Variants in NFKBIL1 observed in about 807,000 individuals in gnomAD.
NFKBIL1 encodes NFKB inhibitor like 1.
Under a neutral mutation model 45.4 loss-of-function variants are expected in NFKBIL1, and 30 were observed. That is an observed-to-expected ratio of 0.66 (90% CI 0.49 to 0.90). The LOEUF (loss-of-function observed/expected upper bound fraction) is 0.90, where lower values mean the gene tolerates loss of function less well. Ranked by LOEUF, NFKBIL1 falls within the 40% of genes least tolerant of loss-of-function variation. NFKBIL1 has a pLI of 0.00. For missense variants in NFKBIL1, 434 were observed against 513.4 expected (o/e 0.85, Z 1.49); for synonymous variants, 179 against 197.3 (o/e 0.91, Z 0.78).
chr6:31,555,910 C>G (rs569158355), intron 2 of NFKBIL1, among the ~76,000 whole-genome samples: 1 of 147,832 alleles, frequency 6.8e-6, no homozygotes. Flanking sequence ...CCCCCCCCCC[C>G]AGCCTCCCAA....
intron 2 of NFKBIL1, among the ~76,000 whole-genome samples, chr6:31,555,702 G>A (rs1481572089): frequency 6.6e-4 from 82 of 124,436 alleles, no homozygotes; most frequent in African/African-American, 2.4e-3. Flanking sequence ...TGCAACCTCC[G>A]CCTCCCAGGT....
chr6:31,547,643 A>G lies in NFKBIL1; in HGVS notation c.-52A>G. 2 of 1,367,306 alleles carry G rather than the reference A, an allele frequency of 1.5e-6. No homozygotes were observed. The highest frequency in any genetic ancestry group is 1.2e-5 in the South Asian group (1 of 80,486). 84.7% of individuals were successfully genotyped at this position (1,367,306 alleles called of 1,614,324 possible). The stretch of plus-strand genomic sequence containing the variant: ...TCCCGTCTCCGAGCTTCTTAAACAC[A>G]GGCCTTGGGCCTACGGCTCTGGGGG... On this transcript the variant is annotated 5_prime_UTR_variant, in exon 1 of 4. Coordinates refer to ENST00000376148, the MANE Select transcript of NFKBIL1 (RefSeq NM_005007.4).
At chr6:31,549,972 C>T (rs1769335738) in intron 2 of NFKBIL1, among the ~76,000 whole-genome samples, 1 of 152,112 alleles carries the variant, frequency 6.6e-6, no homozygotes, top group Non-Finnish European at 1.5e-5. Flanking sequence ...GAGGCCAAGG[C>T]AGTCAGATCA....
In NFKBIL1 at chr6:31,557,993, A is replaced by C; in HGVS notation, c.557-29A>C. 1 of 1,522,700 alleles carries C rather than the reference A, an allele frequency of 6.6e-7. No homozygotes were observed. The highest frequency in any genetic ancestry group is 8.9e-7 in the Non-Finnish European group (1 of 1,121,756). The allele number at this position is 1,522,700 out of a possible 1,614,324, so 94.3% of individuals were successfully genotyped here. A position where few individuals can be genotyped will look rare whatever the true frequency, so the allele number is the denominator to read the frequency against. On this transcript the variant is annotated intron_variant, in intron 3 of 3. Transcript: ENST00000376148. This position sits in a 1 kb window ranked among gnomAD's most constrained non-coding sequence, Gnocchi z 5.4. ...CATCACCTTCTCACAGCCTCTCTCC[A>C]ACTACCCCCATCCCACCCTCCCAAA...
rs1430495435 is a variant in NFKBIL1, at chr6:31,551,511, T to C, written c.334+3072T>C. Among the ~76,000 whole-genome samples the C allele has an allele frequency of 2.6e-5, 4 of 152,230 alleles. No individual in the cohort carries two copies. The East Asian group carries it at 7.7e-4, about 29-fold the overall frequency. On this transcript the variant is annotated intron_variant, in intron 2 of 3. Coordinates refer to ENST00000376148, the MANE Select transcript of NFKBIL1 (RefSeq NM_005007.4). ...CCCTGGTGTCCTCTCTGGCCTTATT[T>C]ACTCCTGGTCCTCTGCCAGCCCTGC...
chr6:31,557,232 C>T lies in NFKBIL1; in HGVS notation c.335-396C>T, dbSNP rs751595182. The stretch of plus-strand genomic sequence containing the variant: ...ACATCATTCTCCTGCCTCAGCCTGC[C>T]GAGTAGCTGGGACTGCAGGCGCCCG... On this transcript the variant is annotated intron_variant, in intron 2 of 3. Transcript: ENST00000376148. This position sits in a 1 kb window ranked among gnomAD's most constrained non-coding sequence, Gnocchi z 5.4. Among the ~76,000 whole-genome samples, 9 of 151,830 alleles carry T rather than the reference C, an allele frequency of 5.9e-5. No homozygotes were observed. The highest frequency in any genetic ancestry group is 1.3e-4 in the Non-Finnish European group (9 of 67,956).
At position 31,557,612 on chromosome 6, in the gene NFKBIL1, GCTCTCCCAC is replaced by G; in HGVS notation, c.335-14_335-6del. 1 of 1,490,048 alleles carries G rather than the reference GCTCTCCCAC, an allele frequency of 6.7e-7. No homozygotes were observed. The highest frequency in any genetic ancestry group is 9.0e-7 in the Non-Finnish European group (1 of 1,117,006). 92.3% of individuals were successfully genotyped at this position (1,490,048 alleles called of 1,614,324 possible). A position where few individuals can be genotyped will look rare whatever the true frequency, so the allele number is the denominator to read the frequency against. On this transcript the variant is annotated splice_region_variant and splice_polypyrimidine_tract_variant and intron_variant, in intron 2 of 3. Transcript: ENST00000376148. The surrounding 1 kb of genome is among the most constrained non-coding windows in gnomAD (Gnocchi z 5.4). ...GAGTCCCAGCTAACTTCTGCTCCCT[GCTCTCCCAC>G]CAACAGCCTACACCGATTTCTTCCT...
rs9279343 is a variant in NFKBIL1 at position 31,552,685 on chromosome 6, C to CTT, written c.334+4272_334+4273dup. Among the ~76,000 whole-genome samples the CTT allele has an allele frequency of 1.3e-3, 74 of 55,584 alleles. 7 individuals carry two copies. The highest frequency in any genetic ancestry group is 1.8e-3 in the South Asian group (2 of 1,104). 36.5% of individuals were successfully genotyped at this position (55,584 alleles called of 152,430 possible). A position where few individuals can be genotyped will look rare whatever the true frequency, so the allele number is the denominator to read the frequency against. On this transcript the variant is annotated intron_variant, in intron 2 of 3. Transcript: ENST00000376148. ...GTAAATCGCTATAAAGGCGGCATTT[C>CTT]TTTTTTTTTTTTTTTTTTTTTTTTT... is the stretch of plus-strand genomic sequence containing the variant.
chr6:31,547,362 G>GA (rs761401148), upstream of NFKBIL1, among the ~76,000 whole-genome samples: 3 of 151,564 alleles, frequency 2.0e-5, no homozygotes, highest in African/African-American at 4.9e-5. Flanking sequence ...GAGGAGGCGG[G>GA]AAAAAACCTC....
rs1165325574 is a variant in NFKBIL1, at chr6:31,548,283, G to C, written c.178G>C (p.Asp60His). Residue 60 changes from aspartate (D) to histidine (H), a missense_variant, in exon 2 of 4, where the codon GAT becomes CAT. By Grantham distance (81) the Asp-to-His change is moderately conservative. Transcript: ENST00000376148. ...QALLQRHPGL[D>H]VDAGQPPPLH... Reference sequence around the variant, plus strand: ...CCTCCTCCAGCGACACCCAGGCCTCGATGTAGATGCTGGGCAGCCCCCACC... The same window carrying C: ...CCTCCTCCAGCGACACCCAGGCCTCCATGTAGATGCTGGGCAGCCCCCACC... 1 of 1,611,938 alleles carries C rather than the reference G, an allele frequency of 6.2e-7. No individual in the cohort carries two copies. Among genetic ancestry groups the C allele is most frequent in the Non-Finnish European group, 8.5e-7 (1 of 1,179,710 alleles).
At chr6:31,554,852 AT>A (rs1373861516) in intron 2 of NFKBIL1, among the ~76,000 whole-genome samples, 1 of 152,200 alleles carries the variant, frequency 6.6e-6, no homozygotes, top group East Asian at 1.9e-4. Flanking sequence ...GGGTAAGGAG[AT>A]TTGTTTTGTA....
chr6:31,547,648 T>C lies in NFKBIL1; in HGVS notation c.-47T>C. The C allele has an allele frequency of 6.9e-7, 1 of 1,444,978 alleles. No homozygotes were observed. The highest frequency in any genetic ancestry group is 1.4e-5 in the African/African-American group (1 of 71,078). The allele number at this position is 1,444,978 out of a possible 1,614,324, so 89.5% of individuals were successfully genotyped here. ...TCTCCGAGCTTCTTAAACACAGGCC[T>C]TGGGCCTACGGCTCTGGGGGTACTT... On this transcript the variant is annotated 5_prime_UTR_variant, in exon 1 of 4. Coordinates refer to ENST00000376148, the MANE Select transcript of NFKBIL1 (RefSeq NM_005007.4).
In NFKBIL1 at chr6:31,548,222, T is replaced by A. The variant is rs748693744; in HGVS notation, c.117T>A (p.Arg39=). The A allele has an allele frequency of 1.2e-6, 2 of 1,613,118 alleles. No homozygotes were observed. The highest frequency in any genetic ancestry group is 1.7e-6 in the Non-Finnish European group (2 of 1,180,040). Residue 39 remains arginine, a synonymous_variant, in exon 2 of 4, where the codon CGT becomes CGA. Coordinates refer to ENST00000376148, the MANE Select transcript of NFKBIL1 (RefSeq NM_005007.4). ...AACGCCGAGAACGTCGCTTTCGTCG[T>A]TACTTGTCTGCAGGACGGCTGGTCC... The part of the protein sequence containing the change: ...RRQRRERRFR[R]YLSAGRLVRA...
rs201778120 is a variant in NFKBIL1, at chr6:31,557,859, C to A, written c.556+10C>A. 12 of 1,569,614 alleles carry A rather than the reference C, an allele frequency of 7.6e-6. No individual in the cohort carries two copies. The highest frequency in any genetic ancestry group is 9.5e-6 in the Non-Finnish European group (11 of 1,152,964). On this transcript the variant is annotated intron_variant, in intron 3 of 3. Coordinates refer to ENST00000376148, the MANE Select transcript of NFKBIL1 (RefSeq NM_005007.4). The surrounding 1 kb of genome is among the most constrained non-coding windows in gnomAD (Gnocchi z 5.4). ...ATGGGGAGGTTTGAAGGTGAGAAGT[C>A]CACTGCTATCCACAGCTGCCCTTCC...
At chr6:31,547,491 G>A, upstream of NFKBIL1, 1 of 431,524 alleles carries the variant, frequency 2.3e-6, no homozygotes, top group South Asian at 5.9e-5. Flanking sequence ...TGGGAGATCT[G>A]GCCAAGAACT....
intron 1 of NFKBIL1, 43 bp downstream of exon 1, chr6:31,547,794 G>T (rs779192615): frequency 1.3e-6 from 2 of 1,513,550 alleles, no homozygotes; most frequent in South Asian, 2.3e-5. Flanking sequence ...GAGATTATCT[G>T]TGACTTTTTA....
At chr6:31,548,986 TC>T (rs1769278795) in intron 2 of NFKBIL1, among the ~76,000 whole-genome samples, 1 of 152,162 alleles carries the variant, frequency 6.6e-6, no homozygotes, top group African/African-American at 2.4e-5. Context: ...CATAGAGAAG[TC>T]ATTTGCCAGA....
Position 31,557,770 on chromosome 6 carries a change from C to T in NFKBIL1, c.477C>T (p.Ala159=). 1.2e-6 allele frequency: 2 copies of T among 1,612,948 alleles called. No individual in the cohort carries two copies. Among genetic ancestry groups the T allele is most frequent in the South Asian group, 1.1e-5 (1 of 90,754 alleles). ...DSAEEEEEDD[A]SKEREWRQKL... The stretch of plus-strand genomic sequence containing the variant: ...CTGAAGAGGAGGAAGAAGATGATGC[C>T]TCCAAGGAGCGGGAATGGAGACAGA... The change falls in exon 3 of 4, where the codon GCC becomes GCT. Residue 159 remains alanine, a synonymous_variant. Coordinates refer to ENST00000376148, the MANE Select transcript of NFKBIL1 (RefSeq NM_005007.4). The surrounding 1 kb of genome is among the most constrained non-coding windows in gnomAD (Gnocchi z 5.4).
intron 2 of NFKBIL1, among the ~76,000 whole-genome samples, chr6:31,549,984 G>A (rs1209009548): frequency 1.3e-5 from 2 of 152,062 alleles, no homozygotes; most frequent in Non-Finnish European, 2.9e-5. Flanking sequence ...GTCAGATCAC[G>A]AGGTCAGGAG....
Sources: gnomAD v4.1 joint callset for allele counts (sites outside exome capture counted in the v4.1 genomes callset) on GRCh38, gnomAD v4.1.1 for gene constraint, Gnocchi (gnomAD v3.1) non-coding constraint, MANE v1.5 for transcripts, NCBI Gene and HGNC (gene_info 2026-07-23, HGNC 2026-07-21) for gene names.